The following SEMA6B variants were observed in gnomAD, a reference collection of about 807,000 sequenced individuals.
SEMA6B encodes the protein semaphorin-6B.
SEMA6B carries 47 observed loss-of-function variants against 78.6 expected under a neutral mutation model. That is an observed-to-expected ratio of 0.60 (90% CI 0.47 to 0.76). The LOEUF is 0.76. Ranked by LOEUF, SEMA6B falls within the 30% of genes least tolerant of loss-of-function variation. The pLI is 0.00. For missense variants in SEMA6B, 1,213 were observed against 1,269.9 expected (o/e 0.96, Z 0.68); for synonymous variants, 632 against 592.2 (o/e 1.07, Z -0.98).
chr19:4,552,501 C>A lies in SEMA6B; in HGVS notation c.910G>T (p.Val304Leu). 1 of 1,612,432 alleles carries A rather than the reference C, an allele frequency of 6.2e-7. No homozygotes were observed. Among genetic ancestry groups the A allele is most frequent in the South Asian group, 1.1e-5 (1 of 90,970 alleles). Residue 304 changes from valine to leucine, a missense_variant, in exon 10 of 17, where the codon GTG (valine) becomes TTG (leucine). Transcript: ENST00000586582. The surrounding 1 kb of genome is among the most constrained non-coding windows in gnomAD (Gnocchi z 7.4). ...VPGDSHFYFNVLQAVTGVVSL... is the reference protein window; with the variant it reads ...VPGDSHFYFNLLQAVTGVVSL... Reference sequence around the variant, plus strand: ...ACCACGCCCGTGACAGCCTGCAGCACGTTGAAGTAGAAATGGGAGTCTCCG... The same window carrying A: ...ACCACGCCCGTGACAGCCTGCAGCAAGTTGAAGTAGAAATGGGAGTCTCCG...
In SEMA6B at chr19:4,555,245, C is replaced by T; in HGVS notation, c.563-150G>A. 1 of 920,832 alleles carries T rather than the reference C, an allele frequency of 1.1e-6. No individual in the cohort carries two copies. The highest frequency in any genetic ancestry group is 1.6e-6 in the Non-Finnish European group (1 of 619,950). 57.0% of individuals were successfully genotyped at this position (920,832 alleles called of 1,614,324 possible). A position where few individuals can be genotyped will look rare whatever the true frequency, so the allele number is the denominator to read the frequency against. On this transcript the variant is annotated intron_variant, in intron 7 of 16. Transcript: ENST00000586582. The surrounding 1 kb of genome is among the most constrained non-coding windows in gnomAD (Gnocchi z 6.1). ...AGCCCTGATCCCATCCAAGCCCCACCTCCATCCAAGCCCTGACCTTAACTG... is the reference window on the plus strand; with the variant it reads ...AGCCCTGATCCCATCCAAGCCCCACTTCCATCCAAGCCCTGACCTTAACTG...
At chr19:4,554,021 G>C (rs1373956969) in intron 9 of SEMA6B, among the ~76,000 whole-genome samples, 1 of 151,986 alleles carries the variant, frequency 6.6e-6, no homozygotes, top group Admixed American at 6.6e-5. Flanking sequence ...ATGGGCTCAT[G>C]AAAGTGTGGG....
intron 3 of SEMA6B, among the ~76,000 whole-genome samples, chr19:4,557,461 CCTTAGGTCAGGTGCCCCACTCGGCGCCT>C (rs1977503926): frequency 6.6e-6 from 1 of 152,204 alleles, no homozygotes; most frequent in African/African-American, 2.4e-5. Context: ...TGTCCCATGG[CCTTAGGTCAGGTGCCCCACTCGGCGCCT>C]CCCAGGCGCC....
At position 4,544,123 on chromosome 19, in the gene SEMA6B, C is replaced by A. The variant is rs1261250610; in HGVS notation, c.2145G>T (p.Leu715=). 7.8e-7 allele frequency: 1 copy of A among 1,274,310 alleles called. No homozygotes were observed. 78.9% of individuals were successfully genotyped at this position (1,274,310 alleles called of 1,614,324 possible). A position where few individuals can be genotyped will look rare whatever the true frequency, so the allele number is the denominator to read the frequency against. ...GLLPTPEQTP[L]PQKRLPTPHP... ...GCGGAGTGGGCAGGCGCTTCTGCGG[C>A]AGCGGCGTCTGCTCGGGCGTGGGCA... The change falls in exon 17 of 17, where the codon CTG becomes CTT. Residue 715 remains leucine, a synonymous_variant. Coordinates refer to ENST00000586582, the MANE Select transcript of SEMA6B (RefSeq NM_032108.4). This position sits in a 1 kb window ranked among gnomAD's most constrained non-coding sequence, Gnocchi z 5.1.
Position 4,555,704 on chromosome 19 carries a change from G to A in SEMA6B, c.472-140C>T, listed in dbSNP as rs1977450170. 1.4e-6 allele frequency: 1 copy of A among 733,614 alleles called. No homozygotes were observed. The highest frequency in any genetic ancestry group is 2.3e-6 in the Non-Finnish European group (1 of 431,790). 45.4% of individuals were successfully genotyped at this position (733,614 alleles called of 1,614,324 possible). A position where few individuals can be genotyped will look rare whatever the true frequency, so the allele number is the denominator to read the frequency against. Reference sequence around the variant, plus strand: ...CCTTGGCCACTCACTTAACCTCTCAGGGCCTCAGTTTACTGATCTGTAAAT... The same window carrying A: ...CCTTGGCCACTCACTTAACCTCTCAAGGCCTCAGTTTACTGATCTGTAAAT... On this transcript the variant is annotated intron_variant, in intron 6 of 16. Coordinates refer to ENST00000586582, the MANE Select transcript of SEMA6B (RefSeq NM_032108.4). This position sits in a 1 kb window ranked among gnomAD's most constrained non-coding sequence, Gnocchi z 6.1.
chr19:4,556,464 T>G (rs1035768487), intron 5 of SEMA6B, among the ~76,000 whole-genome samples: 10 of 132,484 alleles, frequency 7.5e-5, no homozygotes, highest in African/African-American at 2.9e-4. Context: ...TGGGGCCAAG[T>G]TGGGAGCGTG....
At chr19:4,553,292 G>A (rs537206187) in intron 9 of SEMA6B, among the ~76,000 whole-genome samples, 2 of 151,886 alleles carry the variant, frequency 1.3e-5, no homozygotes, top group South Asian at 4.2e-4. Flanking sequence ...GTGAATAAGT[G>A]GATGAATGAA....
At position 4,556,975 on chromosome 19, in the gene SEMA6B, C is replaced by G. The variant is rs780654837; in HGVS notation, c.345G>C (p.Val115=). ...CCTCCTGTTTGCCCTTCATCCGACA[C>G]ACGTTTATGTCGCTGGGGTTAGATC... The part of the protein sequence containing the change: ...TWRSNPSDIN[V]CRMKGKQEGE... The change falls in exon 5 of 17, where the codon GTG becomes GTC. Residue 115 remains valine (V), a synonymous_variant. Transcript: ENST00000586582. 5.6e-6 allele frequency: 9 copies of G among 1,613,204 alleles called. No homozygotes were observed. The highest frequency in any genetic ancestry group is 3.3e-5 in the Admixed American group (2 of 59,922).
Position 4,543,802 on chromosome 19 carries a change from G to C in SEMA6B, c.2466C>G (p.Ser822Arg). The change falls in exon 17 of 17, where the codon AGC becomes AGG. Residue 822 changes from serine (S) to arginine (R), a missense_variant. By Grantham distance (110) the Ser-to-Arg change is moderately radical. Coordinates refer to ENST00000586582, the MANE Select transcript of SEMA6B (RefSeq NM_032108.4). ...SAADGLPRPW[S>R]PPPTGSLRRP... ...TCCTCAGGCTGCCCGTCGGGGGCGG[G>C]CTCCAGGGCCGCGGGAGGCCATCGG... The C allele has an allele frequency of 1.6e-6, 2 of 1,219,128 alleles. No individual in the cohort carries two copies. The highest frequency in any genetic ancestry group is 2.0e-6 in the Non-Finnish European group (2 of 979,960). 75.5% of individuals were successfully genotyped at this position (1,219,128 alleles called of 1,614,324 possible). A position where few individuals can be genotyped will look rare whatever the true frequency, so the allele number is the denominator to read the frequency against.
rs1301989387 is a variant in SEMA6B at position 4,553,058 on chromosome 19, CGGATGAGT to C, written c.772-427_772-420del. 3.3e-5 allele frequency among the ~76,000 whole-genome samples: 5 copies of C among 152,178 alleles called. No homozygotes were observed. The East Asian group carries it at 9.6e-4, about 29-fold the overall frequency. ...AGCACTGCCTGGTTGCCTGGATGGA[CGGATGAGT>C]GGATGAGTAGATGGACGGACGATTA... On this transcript the variant is annotated intron_variant, in intron 9 of 16. Coordinates refer to ENST00000586582, the MANE Select transcript of SEMA6B (RefSeq NM_032108.4).
rs199600788 is a variant in SEMA6B at position 4,550,134 on chromosome 19, C to T, written c.1260G>A (p.Arg420=). ...PSLGHAPWIL[R]TLMRHQLTRV... ...TCTCCAGGACCGACCTCATCAGGGT[C>T]CGCAGGATCCAGGGCGCATGGCCCA... The change falls in exon 12 of 17, where the codon CGG becomes CGA. Residue 420 remains arginine (R), a synonymous_variant. Transcript: ENST00000586582. This position sits in a 1 kb window ranked among gnomAD's most constrained non-coding sequence, Gnocchi z 6.6. 27 of 1,613,750 alleles carry T rather than the reference C, an allele frequency of 1.7e-5. No individual in the cohort carries two copies. The highest frequency in any genetic ancestry group is 2.1e-5 in the Non-Finnish European group (25 of 1,180,004).
chr19:4,550,411 G>C lies in SEMA6B; in HGVS notation c.1122-139C>G, dbSNP rs1977295262. On this transcript the variant is annotated intron_variant, in intron 11 of 16. Transcript: ENST00000586582. The surrounding 1 kb of genome is among the most constrained non-coding windows in gnomAD (Gnocchi z 6.6). ...TGTTTTTGAGACAGAGTCTCAATCT[G>C]TCGCCCAGGCTGGAGTGCTTTGGCT... 1.1e-6 allele frequency: 1 copy of C among 942,190 alleles called. No individual in the cohort carries two copies. Among genetic ancestry groups the C allele is most frequent in the Non-Finnish European group, 1.6e-6 (1 of 633,408 alleles). 58.4% of individuals were successfully genotyped at this position (942,190 alleles called of 1,614,324 possible). A position where few individuals can be genotyped will look rare whatever the true frequency, so the allele number is the denominator to read the frequency against.
chr19:4,548,978 C>T (rs958337291), intron 12 of SEMA6B, among the ~76,000 whole-genome samples: 7 of 152,084 alleles, frequency 4.6e-5, no homozygotes, highest in Non-Finnish European at 8.8e-5. Flanking sequence ...ACCACCACAC[C>T]GAGCTGATTT....
At chr19:4,547,508 A>T (rs1977201292) in intron 14 of SEMA6B, among the ~76,000 whole-genome samples, 3 of 152,150 alleles carry the variant, frequency 2.0e-5, no homozygotes, top group Admixed American at 2.0e-4. Flanking sequence ...TTGACGGCTC[A>T]CATGGAGTGC....
intron 12 of SEMA6B, among the ~76,000 whole-genome samples, chr19:4,549,730 G>A (rs961505137): frequency 6.6e-6 from 1 of 151,898 alleles, no homozygotes; most frequent in African/African-American, 2.4e-5. Flanking sequence ...CGCCTGCCTC[G>A]GCCTCCCAAA....
In SEMA6B at chr19:4,546,476, C is replaced by T. The variant is rs1278070076; in HGVS notation, c.1602-7G>A. 1.3e-6 allele frequency: 2 copies of T among 1,551,056 alleles called. No individual in the cohort carries two copies. Among genetic ancestry groups the T allele is most frequent in the Non-Finnish European group, 1.7e-6 (2 of 1,146,090 alleles). On this transcript the variant is annotated splice_region_variant and splice_polypyrimidine_tract_variant and intron_variant, in intron 14 of 16. Transcript: ENST00000586582. The stretch of plus-strand genomic sequence containing the variant: ...CTGACTGCCGATACAGTTCCTAGAG[C>T]AGACCAGGGACCGAATGGGACAAGT...
chr19:4,559,158 C>G (rs1392618508), intron 1 of SEMA6B, among the ~76,000 whole-genome samples: 1 of 146,304 alleles, frequency 6.8e-6, no homozygotes, highest in African/African-American at 2.6e-5. Flanking sequence ...CGCACCACTG[C>G]ACTCCAGCCT....
intron 12 of SEMA6B, among the ~76,000 whole-genome samples, chr19:4,549,783 T>C (rs1977272996): frequency 6.6e-6 from 1 of 152,058 alleles, no homozygotes; most frequent in Non-Finnish European, 1.5e-5. Flanking sequence ...CGGCCAATTT[T>C]TGTATTTTAA....
intron 5 of SEMA6B, 73 bp from the exon 6 acceptor site, chr19:4,556,162 G>A (rs1599782653): frequency 1.9e-6 from 2 of 1,057,258 alleles, no homozygotes; most frequent in Non-Finnish European, 2.9e-6. Flanking sequence ...GCCAGAACCT[G>A]AGTTGTGTGG....
Sources: allele counts gnomAD v4.1 joint callset (sites outside exome capture counted in the v4.1 genomes callset), GRCh38; gene constraint gnomAD v4.1.1; non-coding constraint Gnocchi (gnomAD v3.1); transcripts MANE v1.5; gene names NCBI Gene and HGNC (gene_info 2026-07-23, HGNC 2026-07-21).